Variants in GATA2 observed in about 807,000 individuals in gnomAD.
GATA2 encodes endothelial transcription factor GATA-2.
GATA2 carries 6 observed loss-of-function variants against 35.7 expected under a neutral mutation model. That is an observed-to-expected ratio of 0.17 (90% CI 0.09 to 0.33). The LOEUF is 0.33. Ranked by LOEUF, GATA2 falls within the 10% of genes least tolerant of loss-of-function variation. The pLI, the probability that GATA2 is intolerant of heterozygous loss-of-function variation, is 1.00. For missense variants in GATA2, 541 were observed against 656.6 expected (o/e 0.82, Z 1.92); for synonymous variants, 313 against 274.9 (o/e 1.14, Z -1.37).
Position 128,484,001 on chromosome 3 carries a change from G to A in GATA2, c.876C>T (p.Gly292=), listed in dbSNP as rs1472299599. The A allele has an allele frequency of 6.2e-7, 1 of 1,613,392 alleles. No individual in the cohort carries two copies. Among genetic ancestry groups the A allele is most frequent in the South Asian group, 1.1e-5 (1 of 91,068 alleles). ...TGGCCCCACAGTTGACACACTCCCG[G>A]CCTTCTGCAGGGGAACAGGGAGAGA... ...QRSKARSCSE[G]RECVNCGATA... is the part of the protein sequence containing the mutation. Residue 292 remains glycine, a synonymous_variant, in exon 4 of 6, where the codon GGC becomes GGT. Transcript: ENST00000341105.
intron 1 of GATA2, among the ~76,000 whole-genome samples, chr3:128,492,462 A>G (rs897564206): frequency 2.7e-4 from 41 of 152,296 alleles, no homozygotes; most frequent in Non-Finnish European, 4.9e-4. Flanking sequence ...GGGCGCAAGC[A>G]GGAGCGAGCT....
chr3:128,491,674 T>C (rs1055055058), intron 1 of GATA2, among the ~76,000 whole-genome samples: 2 of 152,146 alleles, frequency 1.3e-5, no homozygotes, highest in Admixed American at 6.5e-5. Flanking sequence ...TCCCACCTCA[T>C]TACTGTTCTG....
rs545460836 is a variant in GATA2, at chr3:128,480,820, G to C, written c.*199C>G. 1.3e-3 allele frequency: 804 copies of C among 595,706 alleles called. 6 individuals carry two copies. In the African/African-American group the frequency reaches 0.014, roughly 10 times the overall value. The allele number at this position is 595,706 out of a possible 1,614,324, so 36.9% of individuals were successfully genotyped here. ...TGCAGGAAACCCCACCTGGGCAGCG[G>C]TCAGGTGCGGAGGCAGCCTCTCAGC... On this transcript the variant is annotated 3_prime_UTR_variant, in exon 6 of 6. Transcript: ENST00000341105.
chr3:128,486,907 G>T lies in GATA2; in HGVS notation c.125C>A (p.Pro42Gln), dbSNP rs745999608. 1.9e-6 allele frequency: 3 copies of T among 1,612,688 alleles called. No individual in the cohort carries two copies. The South Asian group carries it at 3.3e-5, about 18-fold the overall frequency. Residue 42 changes from proline to glutamine, a missense_variant, in exon 2 of 6, where the codon CCA (proline) becomes CAA (glutamine). By Grantham distance (76) the Pro-to-Gln change is moderately conservative. This residue lies in a region of GATA2 where 389 missense variants were observed against 396.9 expected (regional missense o/e 0.98). Transcript: ENST00000341105. ...ATTGAAGAAGACGTCCACCTCGTCT[G>T]GAGGCAGCAGCTGCGCGGGTTCCAT... ...NYMEPAQLLP[P>Q]DEVDVFFNHL...
At chr3:128,491,582 A>T (rs1281596410) in intron 1 of GATA2, among the ~76,000 whole-genome samples, 3 of 152,184 alleles carry the variant, frequency 2.0e-5, no homozygotes, top group Non-Finnish European at 2.9e-5. Flanking sequence ...GACTACTGCT[A>T]TAACGGCCCC....
chr3:128,491,516 C>T lies in GATA2; in HGVS notation c.-46+1383G>A, dbSNP rs548499808. Among the ~76,000 whole-genome samples, 38 of 152,268 alleles carry T rather than the reference C, an allele frequency of 2.5e-4. No individual in the cohort carries two copies. The South Asian group carries it at 6.4e-3, about 26-fold the overall frequency. On this transcript the variant is annotated intron_variant, in intron 1 of 5. Coordinates refer to ENST00000341105, the MANE Select transcript of GATA2 (RefSeq NM_032638.5). ...ATGGGTTCAGAAGTTCCCTTAAAGCCGGGGCATTAGATCTCAGGCCAGCAG... is the reference window on the plus strand; with the variant it reads ...ATGGGTTCAGAAGTTCCCTTAAAGCTGGGGCATTAGATCTCAGGCCAGCAG...
rs2068663124 is a variant in GATA2, at chr3:128,484,002, C to T, written c.875G>A (p.Gly292Asp). The T allele has an allele frequency of 6.2e-7, 1 of 1,613,444 alleles. No individual in the cohort carries two copies. Among genetic ancestry groups the T allele is most frequent in the Non-Finnish European group, 8.5e-7 (1 of 1,179,982 alleles). ...QRSKARSCSE[G>D]RECVNCGATA... ...GGCCCCACAGTTGACACACTCCCGG[C>T]CTTCTGCAGGGGAACAGGGAGAGAC... Residue 292 changes from glycine to aspartate, a missense_variant, in exon 4 of 6, where the codon GGC (glycine) becomes GAC (aspartate). By Grantham distance (94) the Gly-to-Asp change is moderately conservative (BLOSUM62 -1). This residue lies in a region of GATA2 where 15 missense variants were observed against 59.5 expected (regional missense o/e 0.25). Coordinates refer to ENST00000341105, the MANE Select transcript of GATA2 (RefSeq NM_032638.5).
At chr3:128,491,137 T>C (rs1223001666) in intron 1 of GATA2, among the ~76,000 whole-genome samples, 1 of 151,702 alleles carries the variant, frequency 6.6e-6, no homozygotes, top group Non-Finnish European at 1.5e-5. Context: ...TCTAGAGTGC[T>C]TCTCAGGCCT....
rs1430054108 is a variant in GATA2, at chr3:128,486,967, G to C, written c.65C>G (p.Pro22Arg). The C allele has an allele frequency of 1.2e-6, 2 of 1,611,726 alleles. No individual in the cohort carries two copies. Among genetic ancestry groups the C allele is most frequent in the Non-Finnish European group, 1.7e-6 (2 of 1,179,090 alleles). ...AHPAVLNAQH[P>R]DSHHPGLAHN... ...CGCCAGGCCCGGGTGGTGTGAGTCGGGGTGCTGCGCATTCAGCACGGCCGG... is the reference window on the plus strand; with the variant it reads ...CGCCAGGCCCGGGTGGTGTGAGTCGCGGTGCTGCGCATTCAGCACGGCCGG... The change falls in exon 2 of 6, where the codon CCC becomes CGC. Residue 22 changes from proline to arginine, a missense_variant. Around this residue, in one of 5 missense-constraint regions of GATA2, gnomAD observed 389 missense variants for 396.9 expected, o/e 0.98. Coordinates refer to ENST00000341105, the MANE Select transcript of GATA2 (RefSeq NM_032638.5).
rs539250806 is a variant in GATA2 at position 128,482,997 on chromosome 3, C to T, written c.1017+863G>A. Among the ~76,000 whole-genome samples the T allele has an allele frequency of 5.9e-5, 9 of 152,282 alleles. No individual in the cohort carries two copies. The East Asian group carries it at 1.5e-3, about 26-fold the overall frequency. On this transcript the variant is annotated intron_variant, in intron 4 of 5. Coordinates refer to ENST00000341105, the MANE Select transcript of GATA2 (RefSeq NM_032638.5). ...GACAGAGGGACTGCAGCCGCGGGGG[C>T]AGGGAGGGGTGAGTAAGCAGCCTGA... is the stretch of plus-strand genomic sequence containing the variant.
intron 1 of GATA2, among the ~76,000 whole-genome samples, chr3:128,491,377 T>C (rs770016292): frequency 3.6e-4 from 55 of 152,168 alleles, no homozygotes; most frequent in Non-Finnish European, 1.3e-4. Flanking sequence ...GGAAACCCAT[T>C]TGCTAAGGGA....
chr3:128,484,147 G>A, intron 3 of GATA2, 142 bp from the exon 4 acceptor site: 1 of 1,064,188 alleles, frequency 9.4e-7, no homozygotes, highest in Non-Finnish European at 1.3e-6. Flanking sequence ...GCAACAGCCT[G>A]GGCAGGAAGA....
At position 128,485,884 on chromosome 3, in the gene GATA2, G is replaced by C. The variant is rs915312505; in HGVS notation, c.714C>G (p.Thr238=). 10 of 1,613,964 alleles carry C rather than the reference G, an allele frequency of 6.2e-6. No homozygotes were observed. In the African/African-American group the frequency reaches 1.3e-4, roughly 22 times the overall value. Residue 238 remains threonine (T), a synonymous_variant, in exon 3 of 6, where the codon ACC becomes ACG. Transcript: ENST00000341105. The part of the protein sequence containing the change: ...PLRPGLATMG[T]QPATHHPIPT... ...GGATGGGGTGGTGTGTAGCAGGCTG[G>C]GTGCCCATAGTAGCTAGGCCTGGGC...
At chr3:128,484,982 A>C in intron 3 of GATA2, among the ~76,000 whole-genome samples, 1 of 152,208 alleles carries the variant, frequency 6.6e-6, no homozygotes, top group Non-Finnish European at 1.5e-5. Context: ...GGAAAGAGAC[A>C]TGGACAGCAA....
At chr3:128,483,796 CCCTGTAATTAACCGCCAGCT>C (rs2068659976) in intron 4 of GATA2, 44 bp downstream of exon 4, 5 of 1,609,384 alleles carry the variant, frequency 3.1e-6, no homozygotes, top group Non-Finnish European at 4.2e-6. Flanking sequence ...AGTTTTTTTC[CCCTGTAATTAACCGCCAGCT>C]CCTGCCCAGC....
chr3:128,484,169 G>C (rs975022519), intron 3 of GATA2, among the ~76,000 whole-genome samples, 164 bp from the exon 4 acceptor site: 4 of 152,222 alleles, frequency 2.6e-5, no homozygotes, highest in African/African-American at 9.6e-5. Context: ...GGACGAGAGG[G>C]TCTCCCACAT....
At chr3:128,485,629 TG>T in intron 3 of GATA2, 97 bp downstream of exon 3, 1 of 1,446,106 alleles carries the variant, frequency 6.9e-7, no homozygotes, top group Non-Finnish European at 9.4e-7. Flanking sequence ...TCCCCAGATC[TG>T]GGAAACCAAC....
At chr3:128,487,870 C>T (rs557567829) in intron 1 of GATA2, 11 of 152,582 alleles carry the variant, frequency 7.2e-5, no homozygotes, top group Non-Finnish European at 1.2e-4. Flanking sequence ...CGGGCCCTCC[C>T]GGCTCCGGCC....
chr3:128,485,285 C>G lies in GATA2; in HGVS notation c.871+442G>C, dbSNP rs144923197. ...CAGATTCCTTAATGGTCTGGAACCTCCGGAGTGCCTGAAACATGCACACAC... is the reference window on the plus strand; with the variant it reads ...CAGATTCCTTAATGGTCTGGAACCTGCGGAGTGCCTGAAACATGCACACAC... On this transcript the variant is annotated intron_variant, in intron 3 of 5. Transcript: ENST00000341105. 5.5e-3 allele frequency among the ~76,000 whole-genome samples: 834 copies of G among 152,284 alleles called. 6 individuals are homozygous for G. Among genetic ancestry groups the G allele is most frequent in the African/African-American group, 0.018 (758 of 41,546 alleles).
Sources: allele counts gnomAD v4.1 joint callset (sites outside exome capture counted in the v4.1 genomes callset), GRCh38; gene constraint gnomAD v4.1.1; regional missense constraint gnomAD v4.1.1; transcripts MANE v1.5; gene names NCBI Gene and HGNC (gene_info 2026-07-23, HGNC 2026-07-21).